ZNF212: variants seen among roughly 807,000 people sequenced by gnomAD.
ZNF212 encodes the protein zinc finger protein 212.
In ZNF212, 32 loss-of-function variants were observed where a neutral mutation model predicts 47.3. That is an observed-to-expected ratio of 0.68 (90% CI 0.51 to 0.91). The LOEUF (loss-of-function observed/expected upper bound fraction) is 0.91. ZNF212 is among the 40% of genes least tolerant of loss of function. ZNF212 has a pLI of 0.00. For missense variants in ZNF212, 555 were observed against 622.8 expected (o/e 0.89, Z 1.16); for synonymous variants, 242 against 253.8 (o/e 0.95, Z 0.44).
In ZNF212 at chr7:149,250,881, A is replaced by G; in HGVS notation, c.541+74A>G. The G allele has an allele frequency of 3.1e-6, 5 of 1,589,682 alleles. No homozygotes were observed. The South Asian group carries it at 5.7e-5, about 18-fold the overall frequency. On this transcript the variant is annotated intron_variant, in intron 3 of 4. Coordinates refer to ENST00000335870, the MANE Select transcript of ZNF212 (RefSeq NM_012256.4). ...TCCTGGCTGGCAGCCTGTAATTCAG[A>G]CCACACCTGTGGCTCCTGTGGCTGT...
At chr7:149,244,800 T>G (rs1796654191) in intron 1 of ZNF212, among the ~76,000 whole-genome samples, 1 of 152,144 alleles carries the variant, frequency 6.6e-6, no homozygotes, top group African/African-American at 2.4e-5. Context: ...ACAGAACACT[T>G]CATGCACCCT....
At chr7:149,247,797 T>A (rs1176587876) in intron 1 of ZNF212, among the ~76,000 whole-genome samples, 1 of 152,218 alleles carries the variant, frequency 6.6e-6, no homozygotes, top group Non-Finnish European at 1.5e-5. Flanking sequence ...GTCTCTGCCT[T>A]AATCTTGACA....
At chr7:149,244,585 T>G (rs1796650679) in intron 1 of ZNF212, among the ~76,000 whole-genome samples, 3 of 152,246 alleles carry the variant, frequency 2.0e-5, no homozygotes, top group Admixed American at 2.0e-4. Flanking sequence ...AGGGCTGGAA[T>G]TATGGGCGTG....
intron 1 of ZNF212, among the ~76,000 whole-genome samples, chr7:149,246,602 G>A (rs1361068070): frequency 6.6e-6 from 1 of 152,064 alleles, no homozygotes; most frequent in Non-Finnish European, 1.5e-5. Flanking sequence ...TAGCCAGGAT[G>A]GTCTTGATCT....
At chr7:149,248,169 C>T (rs377247081) in intron 1 of ZNF212, among the ~76,000 whole-genome samples, 7 of 152,094 alleles carry the variant, frequency 4.6e-5, no homozygotes, top group East Asian at 1.9e-4. Flanking sequence ...CTTCACCTCC[C>T]GACACTGCCA....
chr7:149,253,607 C>T lies in ZNF212; in HGVS notation c.680C>T (p.Pro227Leu), dbSNP rs766901889. The T allele has an allele frequency of 1.9e-6, 3 of 1,614,034 alleles. No homozygotes were observed. The South Asian group carries it at 3.3e-5, about 18-fold the overall frequency. ...KQELQYTQEG[P>L]ADLPGEFSCI... ...GAGCTACAGTATACACAGGAAGGCCCTGCGGATCTTCCTGGAGAGTTCTCA... is the reference window on the plus strand; with the variant it reads ...GAGCTACAGTATACACAGGAAGGCCTTGCGGATCTTCCTGGAGAGTTCTCA... The change falls in exon 5 of 5, where the codon CCT becomes CTT. Residue 227 changes from proline (P) to leucine (L), a missense_variant. Physicochemically the swap from Pro to Leu is moderately conservative, Grantham distance 98 (BLOSUM62 -3). Coordinates refer to ENST00000335870, the MANE Select transcript of ZNF212 (RefSeq NM_012256.4).
At chr7:149,241,293 G>A (rs1318567053) in intron 1 of ZNF212, among the ~76,000 whole-genome samples, 3 of 152,056 alleles carry the variant, frequency 2.0e-5, no homozygotes, top group African/African-American at 7.2e-5. Flanking sequence ...TTAGCCGGGC[G>A]TGGTGGCGGG....
intron 1 of ZNF212, among the ~76,000 whole-genome samples, chr7:149,248,833 G>GA (rs1385484434): frequency 6.6e-6 from 1 of 152,196 alleles, no homozygotes; most frequent in Non-Finnish European, 1.5e-5. Flanking sequence ...GTTCCATGAT[G>GA]AATTAACTGA....
chr7:149,251,187 TTTTC>T (rs2129524353), intron 3 of ZNF212: 1 of 262,576 alleles, frequency 3.8e-6, no homozygotes, highest in Non-Finnish European at 7.3e-6. Flanking sequence ...TATCTTTTTT[TTTTC>T]TTTTTTTCTT....
Position 149,254,901 on chromosome 7 carries a change from G to A in ZNF212, c.*486G>A, listed in dbSNP as rs1053298. 2.0e-5 allele frequency: 3 copies of A among 153,574 alleles called. No homozygotes were observed. The highest frequency in any genetic ancestry group is 4.1e-4 in the South Asian group (2 of 4,848). The allele number at this position is 153,574 out of a possible 1,614,324, so 9.5% of individuals were successfully genotyped here. On this transcript the variant is annotated 3_prime_UTR_variant, in exon 5 of 5. Transcript: ENST00000335870. This position sits in a 1 kb window ranked among gnomAD's most constrained non-coding sequence, Gnocchi z 4.5. ...ATGAACTGCTTAGCCCTGCTCTGAAGAACCTTTTTTGGAATTAGATTTTAG... is the reference window on the plus strand; with the variant it reads ...ATGAACTGCTTAGCCCTGCTCTGAAAAACCTTTTTTGGAATTAGATTTTAG...
rs1186664512 is a variant in ZNF212, at chr7:149,254,108, A to AG, written c.1185dup (p.Pro396AlafsTer46). The AG allele has an allele frequency of 6.2e-7, 1 of 1,613,470 alleles. No individual in the cohort carries two copies. The highest frequency in any genetic ancestry group is 8.5e-7 in the Non-Finnish European group (1 of 1,179,716). The stretch of plus-strand genomic sequence containing the variant: ...ACCCATCAGCGTTGCCACCTGCAGG[A>AG]GGGGCCCAGTGCCGGCCAGCATGTC... On this transcript the variant is annotated frameshift_variant, in exon 5 of 5. Coordinates refer to ENST00000335870, the MANE Select transcript of ZNF212 (RefSeq NM_012256.4). LOFTEE classifies it high-confidence loss of function. This position sits in a 1 kb window ranked among gnomAD's most constrained non-coding sequence, Gnocchi z 4.5.
In ZNF212 at chr7:149,250,387, G is replaced by A; in HGVS notation, c.253G>A (p.Glu85Lys). ...GGCTGACTGCGAGAAGATGGCCGTG[G>A]AGTTCGGGAACCAGCTGGAGGGCAA... ...KLADCEKMAVEFGNQLEGKWA... is the reference protein window; with the variant it reads ...KLADCEKMAVKFGNQLEGKWA... The change falls in exon 2 of 5, where the codon GAG becomes AAG. Residue 85 changes from glutamate to lysine, a missense_variant. Transcript: ENST00000335870. The A allele has an allele frequency of 6.2e-7, 1 of 1,614,190 alleles. No individual in the cohort carries two copies. Among genetic ancestry groups the A allele is most frequent in the Non-Finnish European group, 8.5e-7 (1 of 1,180,026 alleles).
Position 149,250,673 on chromosome 7 carries a change from G to A in ZNF212, c.415-8G>A, listed in dbSNP as rs755212174. 1.2e-6 allele frequency: 2 copies of A among 1,614,198 alleles called. No homozygotes were observed. Among genetic ancestry groups the A allele is most frequent in the Admixed American group, 3.3e-5 (2 of 60,030 alleles). On this transcript the variant is annotated splice_polypyrimidine_tract_variant and splice_region_variant and intron_variant, in intron 2 of 4. Transcript: ENST00000335870. ...GAAGCACTCATGGTGTGCCATTGGTGATTCCAGGTGTCCAGGTCACTGGAG... is the reference window on the plus strand; with the variant it reads ...GAAGCACTCATGGTGTGCCATTGGTAATTCCAGGTGTCCAGGTCACTGGAG...
chr7:149,239,866 G>T, intron 1 of ZNF212, 64 bp downstream of exon 1: 2 of 1,258,832 alleles, frequency 1.6e-6, no homozygotes, highest in Non-Finnish European at 1.0e-6. Flanking sequence ...CCTGCCGGGG[G>T]CGGGGCTTCG....
Position 149,252,721 on chromosome 7 carries a change from CAG to C in ZNF212, c.560_561del (p.Glu187GlyfsTer12). Reference sequence around the variant, plus strand: ...TCCCACCCAGAGGTCCTTGGCCAGACAGAGGGAGAAGCGGAGTTGGGTACAGA... The same window carrying C: ...TCCCACCCAGAGGTCCTTGGCCAGACAGGGAGAAGCGGAGTTGGGTACAGA... On this transcript the variant is annotated frameshift_variant, in exon 4 of 5. Coordinates refer to ENST00000335870, the MANE Select transcript of ZNF212 (RefSeq NM_012256.4). LOFTEE classifies it high-confidence loss of function. 1.2e-6 allele frequency: 2 copies of C among 1,614,108 alleles called. No individual in the cohort carries two copies. The highest frequency in any genetic ancestry group is 8.5e-7 in the Non-Finnish European group (1 of 1,180,032).
chr7:149,251,941 T>TAAAAAAAAAAAAAAAAA (rs36067111), intron 3 of ZNF212, among the ~76,000 whole-genome samples: 16 of 109,532 alleles, frequency 1.5e-4, no homozygotes, highest in South Asian at 6.3e-4. Flanking sequence ...CTCTGTTGCT[T>TAAAAAAAAAAAAAAAAA]AAAAAAAAAA....
At chr7:149,244,632 CAT>C (rs1394290546) in intron 1 of ZNF212, among the ~76,000 whole-genome samples, 1 of 152,026 alleles carries the variant, frequency 6.6e-6, no homozygotes, top group Non-Finnish European at 1.5e-5. Context: ...TTTTTTAATC[CAT>C]ATATCTATCA....
intron 1 of ZNF212, among the ~76,000 whole-genome samples, chr7:149,244,848 C>T (rs1005698631): frequency 5.9e-5 from 9 of 152,160 alleles, no homozygotes; most frequent in Non-Finnish European, 1.3e-4. Context: ...GATTCTAGCA[C>T]CTGGCTGCCT....
chr7:149,243,287 G>A (rs1796622332), intron 1 of ZNF212, among the ~76,000 whole-genome samples: 1 of 151,970 alleles, frequency 6.6e-6, no homozygotes, highest in Admixed American at 6.6e-5. Flanking sequence ...CAGCTTCTTG[G>A]GAGGCTGAGG....
Sources: gnomAD v4.1 joint callset for allele counts (sites outside exome capture counted in the v4.1 genomes callset) on GRCh38, gnomAD v4.1.1 for gene constraint, Gnocchi (gnomAD v3.1) non-coding constraint, MANE v1.5 for transcripts, NCBI Gene and HGNC (gene_info 2026-07-23, HGNC 2026-07-21) for gene names.